Variants in NR2C1 observed in about 807,000 individuals in gnomAD.
NR2C1 encodes TR2 nuclear hormone receptor.
A neutral mutation model predicts 74.8 loss-of-function variants in NR2C1; 33 were observed. The ratio of observed to expected loss-of-function variants is 0.44; its 90% CI spans 0.33 to 0.59. NR2C1 has a LOEUF of 0.59. Among genes scored for constraint, NR2C1 ranks in the 20% least tolerant of loss-of-function variants. NR2C1 has a pLI of 0.02. For missense variants in NR2C1, 568 were observed against 715.6 expected, an observed-to-expected ratio of 0.79 and a Z score of 2.35; for synonymous variants, 225 against 240.6, an observed-to-expected ratio of 0.94 and a Z score of 0.60.
At chr12:95,045,574 G>A (rs1340348526) in intron 9 of NR2C1, among the ~76,000 whole-genome samples, 3 of 152,208 alleles carry the variant, frequency 2.0e-5, no homozygotes, top group Non-Finnish European at 4.4e-5. Flanking sequence ...GTTATGGAAT[G>A]AGAAGAGTGA....
At chr12:95,022,930 T>A (rs1868933963) in intron 13 of NR2C1, among the ~76,000 whole-genome samples, 1 of 151,708 alleles carries the variant, frequency 6.6e-6, no homozygotes, top group African/African-American at 2.4e-5. Flanking sequence ...CTCACACTCT[T>A]GGGCTCAAGC....
At chr12:95,041,133 G>A (rs1415526537) in intron 9 of NR2C1, among the ~76,000 whole-genome samples, 1 of 152,140 alleles carries the variant, frequency 6.6e-6, no homozygotes, top group Non-Finnish European at 1.5e-5. Flanking sequence ...ATTGTGGGCT[G>A]AGCACTGCCA....
intron 2 of NR2C1, among the ~76,000 whole-genome samples, chr12:95,063,676 A>C (rs1875140834): frequency 7.0e-6 from 1 of 142,740 alleles, no homozygotes; most frequent in African/African-American, 2.7e-5. Flanking sequence ...CCCTGTCTCA[A>C]AAAAAAAAAA....
chr12:95,046,819 C>G (rs943299501), intron 9 of NR2C1, among the ~76,000 whole-genome samples: 26 of 152,168 alleles, frequency 1.7e-4, no homozygotes, highest in African/African-American at 5.8e-4. Flanking sequence ...TTACCAGACT[C>G]TAGGAGCTAA....
intron 10 of NR2C1, among the ~76,000 whole-genome samples, chr12:95,032,946 T>G: frequency 6.6e-6 from 1 of 151,886 alleles, no homozygotes. Flanking sequence ...CCAGCTTGGG[T>G]GACAGAGTGA....
At chr12:95,054,277 C>A (rs989163740) in intron 7 of NR2C1, among the ~76,000 whole-genome samples, 2 of 151,530 alleles carry the variant, frequency 1.3e-5, no homozygotes, top group African/African-American at 4.9e-5. Flanking sequence ...AGAGGTGGGA[C>A]TGGCTGACTG....
intron 8 of NR2C1, among the ~76,000 whole-genome samples, chr12:95,049,941 A>C (rs891933755): frequency 2.0e-5 from 3 of 152,202 alleles, no homozygotes; most frequent in South Asian, 2.1e-4. Context: ...CTGGGACTAC[A>C]TGTGCGCACC....
chr12:95,070,277 A>C (rs1240940907), intron 1 of NR2C1, among the ~76,000 whole-genome samples: 1 of 152,036 alleles, frequency 6.6e-6, no homozygotes, highest in East Asian at 1.9e-4. Flanking sequence ...GATTACAGGC[A>C]TGCACCACCA....
chr12:95,034,692 C>A (rs946985084), intron 10 of NR2C1, among the ~76,000 whole-genome samples: 18 of 151,904 alleles, frequency 1.2e-4, no homozygotes, highest in African/African-American at 3.6e-4. Context: ...TTTATGGACA[C>A]TTCTCTATGT....
At chr12:95,063,439 C>G (rs1424422006) in intron 2 of NR2C1, among the ~76,000 whole-genome samples, 2 of 152,158 alleles carry the variant, frequency 1.3e-5, no homozygotes, top group Admixed American at 6.5e-5. Flanking sequence ...TGAGTGACAG[C>G]TGGGACTCAG....
chr12:95,058,967 T>A (rs1430087069), intron 4 of NR2C1, among the ~76,000 whole-genome samples: 5 of 152,174 alleles, frequency 3.3e-5, no homozygotes, highest in African/African-American at 1.2e-4. Flanking sequence ...TCATTATTTT[T>A]AAATGATTCC....
chr12:95,063,004 G>C, intron 2 of NR2C1: 1 of 487,690 alleles, frequency 2.1e-6, no homozygotes, highest in South Asian at 2.3e-5. Context: ...AACATATATT[G>C]GGTGATTTAT....
chr12:95,049,324 T>C, intron 8 of NR2C1, 91 bp from the exon 9 acceptor site: 1 of 1,351,712 alleles, frequency 7.4e-7, no homozygotes, highest in Non-Finnish European at 1.0e-6. Flanking sequence ...GATTTAAGCC[T>C]AAAAAACTGG....
intron 1 of NR2C1, among the ~76,000 whole-genome samples, chr12:95,072,290 A>G (rs1033031989): frequency 1.5e-5 from 2 of 132,962 alleles, no homozygotes; most frequent in African/African-American, 6.0e-5. Context: ...AAAAACAAAA[A>G]CAAAAACAAA....
In NR2C1 at chr12:95,033,273, AATAT is replaced by A. The variant is rs527920583; in HGVS notation, c.1254-1789_1254-1786del. Among the ~76,000 whole-genome samples the A allele has an allele frequency of 3.3e-5, 5 of 152,252 alleles. No individual in the cohort carries two copies. The East Asian group carries it at 9.6e-4, about 29-fold the overall frequency. On this transcript the variant is annotated intron_variant, in intron 10 of 13. Transcript: ENST00000333003. The stretch of plus-strand genomic sequence containing the variant: ...TATATAATTTCAAGTATTTTATATA[AATAT>A]ACATATATGATTATACATAATTTTA...
intron 1 of NR2C1, among the ~76,000 whole-genome samples, chr12:95,068,365 C>A (rs953762540): frequency 6.6e-6 from 1 of 152,158 alleles, no homozygotes; most frequent in Non-Finnish European, 1.5e-5. Flanking sequence ...CAGGACATCA[C>A]CATAGGAATT....
intron 2 of NR2C1, chr12:95,066,840 T>C (rs1875783889): frequency 6.5e-6 from 1 of 154,808 alleles, no homozygotes; most frequent in African/African-American, 2.4e-5. Flanking sequence ...TCAGTATTAT[T>C]ATAAAAATGG....
At chr12:95,060,452 A>G (rs930024126) in intron 3 of NR2C1, among the ~76,000 whole-genome samples, 1 of 152,138 alleles carries the variant, frequency 6.6e-6, no homozygotes, top group African/African-American at 2.4e-5. Flanking sequence ...TCAGAAGTTC[A>G]AGACCAGCCT....
intron 1 of NR2C1, among the ~76,000 whole-genome samples, chr12:95,068,586 G>C (rs1057111785): frequency 6.6e-6 from 1 of 152,154 alleles, no homozygotes; most frequent in African/African-American, 2.4e-5. Flanking sequence ...CCGGAGATCA[G>C]GAGTTTGAGA....
Sources: gnomAD v4.1 joint callset for allele counts (sites outside exome capture counted in the v4.1 genomes callset) on GRCh38, gnomAD v4.1.1 for gene constraint, MANE v1.5 for transcripts, NCBI Gene and HGNC (gene_info 2026-07-23, HGNC 2026-07-21) for gene names.